STMN4: variants seen among roughly 807,000 people sequenced by gnomAD.
STMN4 encodes the protein stathmin-4.
STMN4 carries 12 observed loss-of-function variants against 29.1 expected under a neutral mutation model. The ratio of observed to expected loss-of-function variants is 0.41; its 90% CI spans 0.26 to 0.67. STMN4 has a LOEUF of 0.67. Among genes scored for constraint, STMN4 ranks in the 30% least tolerant of loss-of-function variants. STMN4 has a pLI of 0.30. For missense variants in STMN4, 181 were observed against 262.8 expected (o/e 0.69, Z 2.15); for synonymous variants, 114 against 105.3 (o/e 1.08, Z -0.51).
chr8:27,241,212 C>G lies in STMN4; in HGVS notation c.241G>C (p.Glu81Gln), dbSNP rs1001055044. 1 of 1,614,202 alleles carries G rather than the reference C, an allele frequency of 6.2e-7. No individual in the cohort carries two copies. The highest frequency in any genetic ancestry group is 8.5e-7 in the Non-Finnish European group (1 of 1,180,042). The part of the protein sequence containing the change: ...WCVISDMEVI[E>Q]LNKCTSGQSF... Reference sequence around the variant, plus strand: ...TGGCCCGAGGTGCATTTGTTCAGCTCGATGACTTCCATGTCGGAAATGACG... The same window carrying G: ...TGGCCCGAGGTGCATTTGTTCAGCTGGATGACTTCCATGTCGGAAATGACG... Residue 81 changes from glutamate to glutamine, a missense_variant, in exon 5 of 7, where the codon GAG (glutamate) becomes CAG (glutamine). By Grantham distance (29) the Glu-to-Gln change is conservative. Transcript: ENST00000350889.
chr8:27,245,589 T>C (rs1801601918), intron 1 of STMN4, among the ~76,000 whole-genome samples: 1 of 152,244 alleles, frequency 6.6e-6, no homozygotes, highest in Admixed American at 6.5e-5. Flanking sequence ...GGTGCCTGCA[T>C]GCGACTTCCC....
At chr8:27,254,951 G>A (rs944008913) in intron 1 of STMN4, among the ~76,000 whole-genome samples, 2 of 151,982 alleles carry the variant, frequency 1.3e-5, no homozygotes, top group East Asian at 1.9e-4. Context: ...GGGATGGAGT[G>A]GGAGTGTTCA....
rs778746782 is a variant in STMN4 at position 27,240,179 on chromosome 8, G to A, written c.400-17C>T. On this transcript the variant is annotated splice_polypyrimidine_tract_variant and intron_variant, in intron 5 of 6. Coordinates refer to ENST00000350889, the MANE Select transcript of STMN4 (RefSeq NM_030795.4). ...TTCCTGGTACTGGGGAAGCATAAAG[G>A]CAGAAGGAGGCCCTTCACAGTGAGT... is the stretch of plus-strand genomic sequence containing the variant. 6.2e-7 allele frequency: 1 copy of A among 1,609,202 alleles called. No homozygotes were observed.
intron 6 of STMN4, 46 bp from the exon 7 acceptor site, chr8:27,236,951 G>A (rs372399895): frequency 7.4e-5 from 117 of 1,574,068 alleles, no homozygotes; most frequent in East Asian, 2.1e-4. Context: ...AAGGCTGCCC[G>A]GGGACAAAAA....
At chr8:27,242,237 G>T in intron 3 of STMN4, 160 bp downstream of exon 3, 1 of 738,666 alleles carries the variant, frequency 1.4e-6, no homozygotes, top group Non-Finnish European at 2.2e-6. Context: ...GACCACTGCA[G>T]CTCAGACCCT....
chr8:27,256,646 G>A (rs1801950515), intron 1 of STMN4, among the ~76,000 whole-genome samples: 1 of 152,116 alleles, frequency 6.6e-6, no homozygotes, highest in Non-Finnish European at 1.5e-5. Flanking sequence ...AGACAGCATA[G>A]GAAGCATTAA....
chr8:27,240,248 C>A, intron 5 of STMN4, 86 bp from the exon 6 acceptor site: 1 of 1,428,014 alleles, frequency 7.0e-7, no homozygotes, highest in East Asian at 2.3e-5. Flanking sequence ...AAGCTGCACA[C>A]TCAGAACACT....
chr8:27,241,036 G>C lies in STMN4; in HGVS notation c.399+18C>G, dbSNP rs943265268. The C allele has an allele frequency of 1.3e-5, 21 of 1,604,714 alleles. No homozygotes were observed. The highest frequency in any genetic ancestry group is 1.8e-5 in the Non-Finnish European group (21 of 1,174,460). On this transcript the variant is annotated intron_variant, in intron 5 of 6. Coordinates refer to ENST00000350889, the MANE Select transcript of STMN4 (RefSeq NM_030795.4). The stretch of plus-strand genomic sequence containing the variant: ...CTTTATGCTGAGAGGGAGGAAAGAA[G>C]GAAGGGTCAGCATTTACCTTCCTTC...
chr8:27,253,637 A>C (rs7819130), intron 1 of STMN4, among the ~76,000 whole-genome samples: 121,425 of 152,174 alleles, frequency 0.8, 50,288 homozygotes, highest in East Asian at 0.97. Context: ...AAATATGCCA[A>C]TTATAACTAG....
At chr8:27,239,819 C>T (rs745376177) in intron 6 of STMN4, 152 bp downstream of exon 6, 15 of 1,545,462 alleles carry the variant, frequency 9.7e-6, no homozygotes, top group Middle Eastern at 1.7e-4. Flanking sequence ...GATCATCCTT[C>T]GGAACTCTCT....
chr8:27,242,051 G>A, intron 3 of STMN4: 1 of 562,656 alleles, frequency 1.8e-6, no homozygotes, highest in Non-Finnish European at 3.2e-6. Flanking sequence ...GACTCACATC[G>A]TCTCATCTTC....
intron 2 of STMN4, among the ~76,000 whole-genome samples, chr8:27,242,944 G>T (rs1427486799): frequency 6.6e-6 from 1 of 152,158 alleles, no homozygotes; most frequent in Non-Finnish European, 1.5e-5. Flanking sequence ...TGGATAGGAG[G>T]GGACCGTCCT....
chr8:27,248,011 C>G (rs755736919), intron 1 of STMN4, among the ~76,000 whole-genome samples: 19 of 152,182 alleles, frequency 1.2e-4, no homozygotes, highest in Non-Finnish European at 1.8e-4. Flanking sequence ...GAGCCCCAGA[C>G]AGAAGGTCAA....
At chr8:27,256,078 G>A (rs1801930936) in intron 1 of STMN4, among the ~76,000 whole-genome samples, 1 of 152,182 alleles carries the variant, frequency 6.6e-6, no homozygotes, top group Admixed American at 6.5e-5. Flanking sequence ...GAGCCTTGAG[G>A]ACATTACACT....
In STMN4 at chr8:27,246,952, A is replaced by G. The variant is rs183478792; in HGVS notation, c.-78-3151T>C. The stretch of plus-strand genomic sequence containing the variant: ...CCAGCATTCATACATGGGCTGATTT[A>G]TTCCTCAAAATGATCTATGTGGCCA... On this transcript the variant is annotated intron_variant, in intron 1 of 6. Coordinates refer to ENST00000350889, the MANE Select transcript of STMN4 (RefSeq NM_030795.4). Among the ~76,000 whole-genome samples the G allele has an allele frequency of 9.9e-5, 15 of 152,230 alleles. No homozygotes were observed. In the East Asian group the frequency reaches 2.7e-3, roughly 27 times the overall value.
intron 1 of STMN4, among the ~76,000 whole-genome samples, chr8:27,248,428 G>A (rs1299500716): frequency 1.3e-5 from 2 of 152,086 alleles, no homozygotes; most frequent in South Asian, 2.1e-4. Flanking sequence ...GAACACAGGA[G>A]GCCCACTGGG....
In STMN4 at chr8:27,241,747, C is replaced by G. The variant is rs758782628; in HGVS notation, c.120G>C (p.Gly40=). ...KSSYKYEGWC[G]RQCRRKDESQ... The stretch of plus-strand genomic sequence containing the variant: ...TTTCATCCTTCCTCCTACACTGTCT[C>G]CCACACCAGCCTAGACAGAAAAAAC... The change falls in exon 4 of 7, where the codon GGG becomes GGC. Residue 40 remains glycine (G), a synonymous_variant. Coordinates refer to ENST00000350889, the MANE Select transcript of STMN4 (RefSeq NM_030795.4). 6.2e-6 allele frequency: 10 copies of G among 1,614,108 alleles called. No individual in the cohort carries two copies. The highest frequency in any genetic ancestry group is 8.5e-6 in the Non-Finnish European group (10 of 1,180,036).
chr8:27,255,375 A>G (rs181655599), intron 1 of STMN4, among the ~76,000 whole-genome samples: 2 of 152,300 alleles, frequency 1.3e-5, no homozygotes, highest in East Asian at 1.9e-4. Flanking sequence ...CGGGAACTCT[A>G]TGTTTCCAAA....
In STMN4 at chr8:27,242,503, A is replaced by T. The variant is rs1367937255; in HGVS notation, c.14-11T>A. 1 of 1,613,556 alleles carries T rather than the reference A, an allele frequency of 6.2e-7. No individual in the cohort carries two copies. The highest frequency in any genetic ancestry group is 8.5e-7 in the Non-Finnish European group (1 of 1,179,762). ...TCTTCTCTTTGTAGGCTGCGGAAAC[A>T]CCCAGTCAGGTGAGGATGGCGCCTC... On this transcript the variant is annotated splice_polypyrimidine_tract_variant and intron_variant, in intron 2 of 6. Transcript: ENST00000350889.
Sources: allele counts gnomAD v4.1 joint callset (sites outside exome capture counted in the v4.1 genomes callset), GRCh38; gene constraint gnomAD v4.1.1; transcripts MANE v1.5; gene names NCBI Gene and HGNC (gene_info 2026-07-23, HGNC 2026-07-21).